CD8B2: variants seen among roughly 807,000 people sequenced by gnomAD.
CD8B2 encodes T-cell surface glycoprotein CD8 beta-2 chain.
Under a neutral mutation model 23.7 loss-of-function variants are expected in CD8B2, and 11 were observed. That is an observed-to-expected ratio of 0.46 (90% CI 0.29 to 0.77). The LOEUF (loss-of-function observed/expected upper bound fraction) is 0.77, where lower values mean the gene tolerates loss of function less well. Among genes scored for constraint, CD8B2 ranks in the 30% least tolerant of loss-of-function variants. The probability of loss-of-function intolerance (pLI) is 0.09; values close to 1 mark genes in which losing one functional copy is unlikely to be tolerated. For synonymous variants in CD8B2, 90 were observed against 109.3 expected, an observed-to-expected ratio of 0.82 and a Z score of 1.10; for missense variants, 197 against 270.5, an observed-to-expected ratio of 0.73 and a Z score of 1.91.
intron 5 of CD8B2, among the ~76,000 whole-genome samples, chr2:106,525,063 C>A (rs879479767): frequency 2.6e-5 from 4 of 152,174 alleles, no homozygotes; most frequent in Non-Finnish European, 5.9e-5. Flanking sequence ...CAACTGGAAC[C>A]AAAGGCCCTT....
downstream of CD8B2, among the ~76,000 whole-genome samples, chr2:106,514,283 T>C (rs933657018): frequency 8.8e-5 from 9 of 102,356 alleles, no homozygotes; most frequent in Non-Finnish European, 1.4e-4. Context: ...GGGGAACGCT[T>C]GTCTTTTTTT....
intron 5 of CD8B2, among the ~76,000 whole-genome samples, chr2:106,539,491 G>T (rs939644234): frequency 2.6e-5 from 4 of 152,144 alleles, no homozygotes; most frequent in Non-Finnish European, 5.9e-5. Context: ...CATGTGTGCG[G>T]TGTGCTCATC....
intron 5 of CD8B2, among the ~76,000 whole-genome samples, chr2:106,537,068 A>G (rs888858245): frequency 6.6e-6 from 1 of 152,122 alleles, no homozygotes; most frequent in African/African-American, 2.4e-5. Flanking sequence ...CCCTGATCCA[A>G]CTCCAAATCT....
chr2:106,516,238 AGGG>A (rs898876064), intron 5 of CD8B2, among the ~76,000 whole-genome samples: 1 of 152,140 alleles, frequency 6.6e-6, no homozygotes, highest in African/African-American at 2.4e-5. Context: ...CAGCAGCACC[AGGG>A]GGACATCCAC....
chr2:106,515,283 TA>T (rs1415900180), downstream of CD8B2, among the ~76,000 whole-genome samples: 4 of 152,220 alleles, frequency 2.6e-5, no homozygotes, highest in African/African-American at 9.6e-5. Context: ...GGACAGATAT[TA>T]GGTGTAGCCT....
chr2:106,515,755 G>A (rs1188769884), downstream of CD8B2, among the ~76,000 whole-genome samples: 1 of 152,136 alleles, frequency 6.6e-6, no homozygotes, highest in Non-Finnish European at 1.5e-5. Context: ...AGGATCAACA[G>A]CATCAAGAAA....
At chr2:106,537,040 T>C (rs373407962) in intron 5 of CD8B2, among the ~76,000 whole-genome samples, 55 of 152,296 alleles carry the variant, frequency 3.6e-4, no homozygotes, top group African/African-American at 1.3e-3. Flanking sequence ...TGGCTCTAGG[T>C]GCCCTTTGTC....
At chr2:106,492,773 CA>C (rs1679218785) in intron 2 of CD8B2, among the ~76,000 whole-genome samples, 1 of 152,204 alleles carries the variant, frequency 6.6e-6, no homozygotes, top group Non-Finnish European at 1.5e-5. Context: ...ATTAGGAAGA[CA>C]CAAACCAAAG....
At chr2:106,525,880 T>A (rs1394796601) in intron 5 of CD8B2, among the ~76,000 whole-genome samples, 1 of 152,122 alleles carries the variant, frequency 6.6e-6, no homozygotes, top group East Asian at 1.9e-4. Flanking sequence ...TGAAGTGCAA[T>A]GAAGGACAGA....
chr2:106,508,220 G>A lies in CD8B2; in HGVS notation c.*1280G>A, dbSNP rs1482260023. 2.0e-5 allele frequency: 3 copies of A among 152,148 alleles called. No individual in the cohort carries two copies. The highest frequency in any genetic ancestry group is 1.9e-4 in the East Asian group (1 of 5,154). 9.4% of individuals were successfully genotyped at this position (152,148 alleles called of 1,614,324 possible). On this transcript the variant is annotated 3_prime_UTR_variant, in exon 6 of 6. Coordinates refer to ENST00000643224, the MANE Select transcript of CD8B2 (RefSeq NM_001349727.2). The stretch of plus-strand genomic sequence containing the variant: ...GAGGCTGCATTAACAGAAGCACCAC[G>A]TCCAGGTCCAGGGAGAATCCAGCCT...
intron 3 of CD8B2, among the ~76,000 whole-genome samples, chr2:106,499,252 G>A (rs577311496): frequency 3.9e-5 from 6 of 152,220 alleles, no homozygotes; most frequent in Admixed American, 1.3e-4. Flanking sequence ...ACTTAGTTGA[G>A]CTAGGCATGG....
At chr2:106,515,249 G>C (rs759222852), downstream of CD8B2, among the ~76,000 whole-genome samples, 5 of 152,228 alleles carry the variant, frequency 3.3e-5, no homozygotes, top group Non-Finnish European at 5.9e-5. Flanking sequence ...GTGTAGCTGG[G>C]TTTGTGACTG....
chr2:106,526,848 G>C (rs1679914741), intron 5 of CD8B2, among the ~76,000 whole-genome samples: 1 of 152,214 alleles, frequency 6.6e-6, no homozygotes, highest in South Asian at 2.1e-4. Flanking sequence ...CACCATGTTG[G>C]CCAGGCTGGT....
Position 106,491,022 on chromosome 2 carries a change from T to C in CD8B2, c.192T>C (p.Asp64=). 1.2e-6 allele frequency: 2 copies of C among 1,613,940 alleles called. No homozygotes were observed. Among genetic ancestry groups the C allele is most frequent in the Middle Eastern group, 1.7e-4 (1 of 6,056 alleles). The change falls in exon 2 of 6, where the codon GAT becomes GAC. Residue 64 remains aspartate (D), a synonymous_variant. Transcript: ENST00000643224. ...GACAGCGCCAGGCCCCGAGCAGTGA[T>C]AGTCACCACGAGTTCCTGACCCTCT... ...WLRQRQAPSS[D]SHHEFLTLWD...
At chr2:106,534,933 T>C (rs1217419733) in intron 5 of CD8B2, among the ~76,000 whole-genome samples, 1 of 152,178 alleles carries the variant, frequency 6.6e-6, no homozygotes, top group East Asian at 1.9e-4. Flanking sequence ...GCGATTCTCT[T>C]GCCTCAGCCT....
intron 1 of CD8B2, among the ~76,000 whole-genome samples, chr2:106,490,115 C>T (rs1050544939): frequency 1.9e-4 from 29 of 152,068 alleles, no homozygotes; most frequent in East Asian, 1.2e-3. Flanking sequence ...TGTCCAGCAA[C>T]GGACAGACCA....
At position 106,507,830 on chromosome 2, in the gene CD8B2, G is replaced by A. The variant is rs1321792377; in HGVS notation, c.*890G>A. 5 of 171,512 alleles carry A rather than the reference G, an allele frequency of 2.9e-5. No individual in the cohort carries two copies. The highest frequency in any genetic ancestry group is 1.9e-4 in the South Asian group (1 of 5,136). 10.6% of individuals were successfully genotyped at this position (171,512 alleles called of 1,614,324 possible). On this transcript the variant is annotated 3_prime_UTR_variant, in exon 6 of 6. Transcript: ENST00000643224. Reference sequence around the variant, plus strand: ...GAGAGTCCTAGAGAGGCTAGGAAGCGCCCAGGGCACCCAGAGCCAGGCTGC... The same window carrying A: ...GAGAGTCCTAGAGAGGCTAGGAAGCACCCAGGGCACCCAGAGCCAGGCTGC...
chr2:106,526,133 T>G (rs1157657559), intron 5 of CD8B2, among the ~76,000 whole-genome samples: 3 of 151,864 alleles, frequency 2.0e-5, no homozygotes, highest in African/African-American at 7.3e-5. Context: ...TCCCAGCTAT[T>G]CGGAGGCTGG....
intron 5 of CD8B2, 119 bp from the exon 6 acceptor site, chr2:106,506,809 C>G (rs1022161583): frequency 2.9e-6 from 4 of 1,387,114 alleles, no homozygotes; most frequent in Non-Finnish European, 3.9e-6. Context: ...AAAAAACTCT[C>G]GGCCCCAGGC....
Sources: gnomAD v4.1 joint callset for allele counts (sites outside exome capture counted in the v4.1 genomes callset) on GRCh38, gnomAD v4.1.1 for gene constraint, MANE v1.5 for transcripts, NCBI Gene and HGNC (gene_info 2026-07-23, HGNC 2026-07-21) for gene names.